The following ROR2 variants were observed in gnomAD, a reference collection of about 807,000 sequenced individuals.
ROR2 encodes ROR family WNT receptor 2.
Under a neutral mutation model 74.9 loss-of-function variants are expected in ROR2, and 33 were observed. That is an observed-to-expected ratio of 0.44 (90% confidence interval 0.33 to 0.59). The LOEUF is 0.59. Ranked by LOEUF, ROR2 falls within the 20% of genes least tolerant of loss-of-function variation. The probability of loss-of-function intolerance (pLI) is 0.02; values close to 1 mark genes in which losing one functional copy is unlikely to be tolerated. For missense variants in ROR2, 1,216 were observed against 1,313.8 expected (o/e 0.93, Z 1.15); for synonymous variants, 586 against 558.7 (o/e 1.05, Z -0.69).
At chr9:91,814,816 C>T (rs1315789206) in intron 1 of ROR2, among the ~76,000 whole-genome samples, 2 of 152,194 alleles carry the variant, frequency 1.3e-5, no homozygotes, top group African/African-American at 2.4e-5. Context: ...ACACACACCT[C>T]CGGCATGGCT....
At chr9:91,948,150 G>A (rs1564057212) in intron 1 of ROR2, among the ~76,000 whole-genome samples, 1 of 152,182 alleles carries the variant, frequency 6.6e-6, no homozygotes, top group East Asian at 1.9e-4. Flanking sequence ...CTTGGCTTAA[G>A]CAATGGACCC....
intron 1 of ROR2, among the ~76,000 whole-genome samples, chr9:91,800,715 C>G (rs1399724027): frequency 6.6e-6 from 1 of 152,242 alleles, no homozygotes; most frequent in Admixed American, 6.5e-5. Context: ...CCACGCACTG[C>G]TGTTGTCCTC....
At chr9:91,949,009 A>G (rs1176088680) in intron 1 of ROR2, 1 of 876,410 alleles carries the variant, frequency 1.1e-6, no homozygotes, top group African/African-American at 1.8e-5. Flanking sequence ...CCCCGGATCC[A>G]AGCAGCCGAA....
Position 91,902,753 on chromosome 9 carries a change from A to G in ROR2, c.97+47114T>C, listed in dbSNP as rs368119181. On this transcript the variant is annotated intron_variant, in intron 1 of 8. Coordinates refer to ENST00000375708, the MANE Select transcript of ROR2 (RefSeq NM_004560.4). ...TAAACATTTTATCTGCACTGGCAAA[A>G]CAAATGACTATTTAAAAACCATATC... Among the ~76,000 whole-genome samples, 30 of 152,344 alleles carry G rather than the reference A, an allele frequency of 2.0e-4. No homozygotes were observed. The East Asian group carries it at 5.8e-3, about 29-fold the overall frequency.
intron 1 of ROR2, among the ~76,000 whole-genome samples, chr9:91,804,972 T>C (rs1827502225): frequency 6.6e-6 from 1 of 152,234 alleles, no homozygotes; most frequent in South Asian, 2.1e-4. Context: ...ATAAGGTATG[T>C]ACCCTTAGCC....
At position 91,737,488 on chromosome 9, in the gene ROR2, C is replaced by G. The variant is rs147616624; in HGVS notation, c.525G>C (p.Gln175His). The part of the protein sequence containing the change: ...QDDYHEDGFC[Q>H]PYRGIACARF... ...GTGCACAGGCAATTCCCCGGTAAGG[C>G]TGGCAGAACCCATCCTCGTGGTAAT... Residue 175 changes from glutamine (Q) to histidine (H), a missense_variant, in exon 5 of 9, where the codon CAG (glutamine) becomes CAC (histidine). By Grantham distance (24) the Gln-to-His change is conservative. Coordinates refer to ENST00000375708, the MANE Select transcript of ROR2 (RefSeq NM_004560.4). 2 of 1,614,230 alleles carry G rather than the reference C, an allele frequency of 1.2e-6. No homozygotes were observed. Among genetic ancestry groups the G allele is most frequent in the Non-Finnish European group, 1.7e-6 (2 of 1,180,048 alleles).
rs376348795 is a variant in ROR2, at chr9:91,816,513, G to A, written c.98-40695C>T. On this transcript the variant is annotated intron_variant, in intron 1 of 8. Coordinates refer to ENST00000375708, the MANE Select transcript of ROR2 (RefSeq NM_004560.4). ...ACTTGTGCTTCCTCGGCCTTGCCCC[G>A]AATGCCAGCTCTGTCCCCCAGCCTG... Among the ~76,000 whole-genome samples the A allele has an allele frequency of 9.9e-5, 15 of 152,014 alleles. No individual in the cohort carries two copies. In the South Asian group the frequency reaches 1.0e-3, roughly 11 times the overall value.
chr9:91,847,296 C>G (rs1216379213), intron 1 of ROR2, among the ~76,000 whole-genome samples: 1 of 152,168 alleles, frequency 6.6e-6, no homozygotes, highest in African/African-American at 2.4e-5. Context: ...CTCTGGGAGG[C>G]CACTTTCCCT....
chr9:91,722,935 A>G lies in ROR2; in HGVS notation c.*727T>C. ...TTCTGTACAATACTGCTTCCTCTGA[A>G]CATTCCAAACCCAAGAAACACTTTC... On this transcript the variant is annotated 3_prime_UTR_variant, in exon 9 of 9. Transcript: ENST00000375708. The G allele has an allele frequency of 4.0e-6, 1 of 251,186 alleles. No homozygotes were observed. Among genetic ancestry groups the G allele is most frequent in the African/African-American group, 2.2e-5 (1 of 46,208 alleles). The allele number at this position is 251,186 out of a possible 1,614,324, so 15.6% of individuals were successfully genotyped here.
chr9:91,790,336 A>G (rs1289533758), intron 1 of ROR2, among the ~76,000 whole-genome samples: 3 of 150,282 alleles, frequency 2.0e-5, no homozygotes. Context: ...CCCCATCTCT[A>G]CTGAAAAAAA....
chr9:91,734,547 CAG>C (rs917530388), intron 5 of ROR2, among the ~76,000 whole-genome samples: 7 of 151,572 alleles, frequency 4.6e-5, no homozygotes, highest in Non-Finnish European at 1.0e-4. Flanking sequence ...AGTGCTGTGC[CAG>C]GTTTGGCCAG....
intron 1 of ROR2, among the ~76,000 whole-genome samples, chr9:91,790,752 G>A (rs1227611540): frequency 1.3e-5 from 2 of 152,182 alleles, no homozygotes; most frequent in East Asian, 3.9e-4. Flanking sequence ...CTGTCCTTGA[G>A]ACCCTGCAGT....
At chr9:91,869,810 C>T (rs978417815) in intron 1 of ROR2, among the ~76,000 whole-genome samples, 2 of 152,000 alleles carry the variant, frequency 1.3e-5, no homozygotes, top group African/African-American at 4.8e-5. Flanking sequence ...TTTCGGTGTA[C>T]TAACTTAACT....
intron 1 of ROR2, among the ~76,000 whole-genome samples, chr9:91,776,273 T>C (rs975181345): frequency 6.6e-6 from 1 of 151,970 alleles, no homozygotes; most frequent in Admixed American, 6.6e-5. Context: ...CCCCTCCCCA[T>C]CCCCAGACCC....
intron 1 of ROR2, among the ~76,000 whole-genome samples, chr9:91,792,554 C>T (rs1164597061): frequency 6.6e-5 from 10 of 152,172 alleles, no homozygotes; most frequent in African/African-American, 2.4e-4. Flanking sequence ...GTGATCCGCC[C>T]ACCTTGGCCT....
At chr9:91,859,076 T>A (rs370128334) in intron 1 of ROR2, among the ~76,000 whole-genome samples, 2 of 151,750 alleles carry the variant, frequency 1.3e-5, no homozygotes, top group African/African-American at 2.4e-5. Flanking sequence ...TCCAGCCAAG[T>A]ACAAGGCCCA....
intron 1 of ROR2, among the ~76,000 whole-genome samples, chr9:91,859,297 G>C (rs1363115922): frequency 6.8e-6 from 1 of 147,774 alleles, no homozygotes; most frequent in Non-Finnish European, 1.5e-5. Flanking sequence ...AGCCTCCCGG[G>C]TTCAAGCAAT....
intron 1 of ROR2, among the ~76,000 whole-genome samples, chr9:91,940,994 T>C (rs1831841206): frequency 7.0e-6 from 1 of 142,470 alleles, no homozygotes; most frequent in Non-Finnish European, 1.5e-5. Flanking sequence ...CATTTTTAAT[T>C]CTTTTTTTTT....
At chr9:91,822,886 G>T (rs542318085) in intron 1 of ROR2, among the ~76,000 whole-genome samples, 1 of 152,100 alleles carries the variant, frequency 6.6e-6, no homozygotes, top group Admixed American at 6.5e-5. Context: ...GGCCACAGAC[G>T]CAGAGACATC....
Sources: gnomAD v4.1 joint callset for allele counts (sites outside exome capture counted in the v4.1 genomes callset) on GRCh38, gnomAD v4.1.1 for gene constraint, MANE v1.5 for transcripts, NCBI Gene and HGNC (gene_info 2026-07-23, HGNC 2026-07-21) for gene names.